The following CYP19A1 variants were observed in gnomAD, a reference collection of about 807,000 sequenced individuals.
CYP19A1 encodes the protein aromatase.
Under a neutral mutation model 44.4 loss-of-function variants are expected in CYP19A1, and 32 were observed. That is an observed-to-expected ratio of 0.72 (90% CI 0.54 to 0.97). The LOEUF (loss-of-function observed/expected upper bound fraction) is 0.97. Among genes scored for constraint, CYP19A1 ranks in the 50% least tolerant of loss-of-function variants. The probability of loss-of-function intolerance (pLI) is 0.00; values close to 1 mark genes in which losing one functional copy is unlikely to be tolerated. For synonymous variants in CYP19A1, 212 were observed against 215.6 expected (o/e 0.98, Z 0.14); for missense variants, 598 against 637.8 (o/e 0.94, Z 0.67).
At chr15:51,303,050 C>T (rs147956487) in intron 1 of CYP19A1, among the ~76,000 whole-genome samples, 20 of 152,340 alleles carry the variant, frequency 1.3e-4, no homozygotes, top group African/African-American at 3.4e-4. Context: ...CCTGAAGGAC[C>T]GCTCTTTCTC....
chr15:51,276,699 A>C (rs1436233375), intron 1 of CYP19A1, among the ~76,000 whole-genome samples: 1 of 152,226 alleles, frequency 6.6e-6, no homozygotes, highest in Non-Finnish European at 1.5e-5. Flanking sequence ...TCTGCAATTC[A>C]ATCTAAAACA....
intron 1 of CYP19A1, among the ~76,000 whole-genome samples, chr15:51,299,288 TGCTGC>T (rs2036064344): frequency 6.6e-6 from 1 of 152,248 alleles, no homozygotes; most frequent in African/African-American, 2.4e-5. Context: ...TCACAGGAGC[TGCTGC>T]TCAGCTGACA....
intron 1 of CYP19A1, among the ~76,000 whole-genome samples, chr15:51,274,494 G>A (rs1038139132): frequency 4.6e-5 from 7 of 152,146 alleles, no homozygotes; most frequent in African/African-American, 1.7e-4. Context: ...AGCTCTCTTC[G>A]TATTCACTTG....
chr15:51,260,735 A>T (rs2034683392), intron 1 of CYP19A1, among the ~76,000 whole-genome samples: 1 of 152,166 alleles, frequency 6.6e-6, no homozygotes, highest in African/African-American at 2.4e-5. Flanking sequence ...ACTAAAATAC[A>T]AATTGGGCTA....
chr15:51,294,282 G>GGCA (rs2035923615), intron 1 of CYP19A1, among the ~76,000 whole-genome samples: 1 of 142,598 alleles, frequency 7.0e-6, no homozygotes, highest in Non-Finnish European at 1.5e-5. Context: ...GTCTCTGCCC[G>GGCA]GCCGCCCATC....
intron 4 of CYP19A1, 43 bp downstream of exon 4, chr15:51,227,736 T>C: frequency 1.3e-6 from 1 of 765,024 alleles, no homozygotes; most frequent in East Asian, 2.6e-5. Context: ...AAAAGGCACA[T>C]TCATAGACAA....
intron 1 of CYP19A1, among the ~76,000 whole-genome samples, chr15:51,334,830 G>C (rs979847617): frequency 2.6e-5 from 4 of 152,208 alleles, no homozygotes; most frequent in Admixed American, 1.3e-4. Context: ...GCATGCTTCA[G>C]CTGCAGAGAG....
chr15:51,256,751 AAAC>A (rs1419158927), intron 1 of CYP19A1, among the ~76,000 whole-genome samples: 3 of 152,218 alleles, frequency 2.0e-5, no homozygotes, highest in African/African-American at 7.2e-5. Flanking sequence ...ACACAAAGGC[AAAC>A]ACATGTTTGC....
At position 51,210,933 on chromosome 15, in the gene CYP19A1, A is replaced by G. The variant is rs377327265; in HGVS notation, c.1387T>C (p.Leu463=). The change falls in exon 10 of 10, where the codon TTG becomes CTG. Residue 463 remains leucine (L), a synonymous_variant. Transcript: ENST00000396402. ...ATGCTCTCAACACACTGTCCTTGCA[A>G]TGTCTTCACGTGGAATCGTCTCAGA... ...TLLRRFHVKT[L]QGQCVESIQK... 30 of 1,609,138 alleles carry G rather than the reference A, an allele frequency of 1.9e-5. No homozygotes were observed. The highest frequency in any genetic ancestry group is 2.7e-5 in the African/African-American group (2 of 74,794).
intron 1 of CYP19A1, among the ~76,000 whole-genome samples, chr15:51,247,988 A>G (rs1326681380): frequency 6.6e-6 from 1 of 152,172 alleles, no homozygotes; most frequent in East Asian, 1.9e-4. Flanking sequence ...ATCAAAGCAT[A>G]TCTCAGTGGT....
chr15:51,304,917 G>C (rs1021440456), intron 1 of CYP19A1, among the ~76,000 whole-genome samples: 2 of 13,672 alleles, frequency 1.5e-4, no homozygotes, highest in Non-Finnish European at 2.6e-4. Context: ...TTTTTTTTTT[G>C]AGACAGGGTT....
chr15:51,337,680 T>C (rs1226483649), intron 1 of CYP19A1: 1 of 152,274 alleles, frequency 6.6e-6, no homozygotes, highest in Non-Finnish European at 1.5e-5. Context: ...AGGCCAGTGA[T>C]GGAGATAGGT....
intron 1 of CYP19A1, among the ~76,000 whole-genome samples, chr15:51,298,453 A>G (rs1883476250): frequency 6.6e-6 from 1 of 152,280 alleles, no homozygotes; most frequent in African/African-American, 2.4e-5. Context: ...GAGCATTCAC[A>G]TAGGAATCAG....
chr15:51,269,190 T>G (rs2035035499), intron 1 of CYP19A1, among the ~76,000 whole-genome samples: 1 of 152,170 alleles, frequency 6.6e-6, no homozygotes, highest in African/African-American at 2.4e-5. Context: ...GAGTTAAATT[T>G]TGTATATGGT....
intron 1 of CYP19A1, among the ~76,000 whole-genome samples, chr15:51,256,898 G>T (rs1421864575): frequency 6.6e-6 from 1 of 152,234 alleles, no homozygotes; most frequent in African/African-American, 2.4e-5. Flanking sequence ...GAAGAAAGAG[G>T]TGTAGTCAGA....
chr15:51,294,086 G>A (rs1240950250), intron 1 of CYP19A1, among the ~76,000 whole-genome samples: 1 of 136,506 alleles, frequency 7.3e-6, no homozygotes, highest in Non-Finnish European at 1.5e-5. Flanking sequence ...GTCTCTGCCC[G>A]GCCGCCATCC....
At chr15:51,228,251 G>T (rs1595691537) in intron 3 of CYP19A1, among the ~76,000 whole-genome samples, 1 of 152,146 alleles carries the variant, frequency 6.6e-6, no homozygotes, top group Non-Finnish European at 1.5e-5. Context: ...AGTCAGAGCT[G>T]CAAGGCTGCT....
chr15:51,308,893 G>A (rs144571004), intron 1 of CYP19A1, among the ~76,000 whole-genome samples: 4 of 152,224 alleles, frequency 2.6e-5, no homozygotes, highest in East Asian at 1.9e-4. Context: ...GCTGACACAC[G>A]GCACCTACTT....
chr15:51,270,908 G>A (rs1291859479), intron 1 of CYP19A1, among the ~76,000 whole-genome samples: 1 of 152,162 alleles, frequency 6.6e-6, no homozygotes, highest in Non-Finnish European at 1.5e-5. Context: ...GGCCTGACTA[G>A]GCTCTGGGAT....
Sources: gnomAD v4.1 joint callset for allele counts (sites outside exome capture counted in the v4.1 genomes callset) on GRCh38, gnomAD v4.1.1 for gene constraint, MANE v1.5 for transcripts, NCBI Gene and HGNC (gene_info 2026-07-23, HGNC 2026-07-21) for gene names.